SLC49A4: variants seen among roughly 807,000 people sequenced by gnomAD.
SLC49A4 encodes solute carrier family 49 member 4.
A neutral mutation model predicts 50.6 loss-of-function variants in SLC49A4; 36 were observed. That is an observed-to-expected ratio of 0.71 (90% CI 0.55 to 0.94). SLC49A4 has a LOEUF of 0.94. Ranked by LOEUF, SLC49A4 falls within the 40% of genes least tolerant of loss-of-function variation. SLC49A4 has a pLI of 0.00. For synonymous variants in SLC49A4, 248 were observed against 241.2 expected (o/e 1.03, Z -0.26); for missense variants, 503 against 605.7 (o/e 0.83, Z 1.78).
chr3:122,850,151 A>G (rs1936906941), intron 5 of SLC49A4, among the ~76,000 whole-genome samples: 1 of 152,222 alleles, frequency 6.6e-6, no homozygotes, highest in African/African-American at 2.4e-5. Context: ...AATCATCAGA[A>G]TCGTCTATTT....
Position 122,836,137 on chromosome 3 carries a change from G to A in SLC49A4, c.833+2691G>A, listed in dbSNP as rs139339124. On this transcript the variant is annotated intron_variant, in intron 4 of 8. Coordinates refer to ENST00000261038, the MANE Select transcript of SLC49A4 (RefSeq NM_032839.3). ...GTGTGATATTGGCTGTGGGTTTGTC[G>A]TAGATAGCTCTTACTATTTTGAGAT... Among the ~76,000 whole-genome samples the A allele has an allele frequency of 4.7e-3, 711 of 152,216 alleles. 6 individuals are homozygous for A. Among genetic ancestry groups the A allele is most frequent in the African/African-American group, 0.016 (644 of 41,542 alleles).
intron 3 of SLC49A4, among the ~76,000 whole-genome samples, chr3:122,831,233 T>G (rs990322996): frequency 3.9e-5 from 6 of 152,134 alleles, no homozygotes. Flanking sequence ...CCTCAAAATG[T>G]TAAACAAAGA....
chr3:122,806,782 T>C, intron 1 of SLC49A4, 75 bp from the exon 2 acceptor site: 1 of 928,570 alleles, frequency 1.1e-6, no homozygotes, highest in Non-Finnish European at 1.8e-6. Context: ...TATGATTGAC[T>C]AAAAATAATC....
At chr3:122,835,555 T>C (rs2107569143) in intron 4 of SLC49A4, among the ~76,000 whole-genome samples, 1 of 151,864 alleles carries the variant, frequency 6.6e-6, no homozygotes, top group South Asian at 2.1e-4. Flanking sequence ...CAGTAGCATC[T>C]CTTTATGATA....
At chr3:122,801,310 A>G (rs1406365615) in intron 1 of SLC49A4, among the ~76,000 whole-genome samples, 2 of 152,144 alleles carry the variant, frequency 1.3e-5, no homozygotes, top group Admixed American at 6.5e-5. Context: ...GGAATGGGGT[A>G]CTTGAAATTG....
At chr3:122,814,746 T>G (rs1415111301) in intron 2 of SLC49A4, among the ~76,000 whole-genome samples, 3 of 152,160 alleles carry the variant, frequency 2.0e-5, no homozygotes, top group Non-Finnish European at 4.4e-5. Context: ...TAAACTTTCT[T>G]AAAACATTTT....
At chr3:122,816,902 C>T (rs1051041061) in intron 2 of SLC49A4, among the ~76,000 whole-genome samples, 2 of 152,136 alleles carry the variant, frequency 1.3e-5, no homozygotes, top group Admixed American at 6.5e-5. Context: ...AATAACAAGG[C>T]CCCAGCTATC....
chr3:122,817,547 A>T (rs531767749), intron 2 of SLC49A4, among the ~76,000 whole-genome samples: 5 of 151,868 alleles, frequency 3.3e-5, no homozygotes, highest in South Asian at 4.2e-4. Context: ...TGTGTGTGAG[A>T]GAGAGAGAGA....
intron 7 of SLC49A4, among the ~76,000 whole-genome samples, chr3:122,861,136 C>T (rs760578789): frequency 5.3e-5 from 8 of 152,142 alleles, no homozygotes. Flanking sequence ...TTGGACCCAC[C>T]AAGATAATTT....
intron 8 of SLC49A4, among the ~76,000 whole-genome samples, chr3:122,877,939 G>A (rs1450107171): frequency 1.3e-5 from 2 of 152,166 alleles, no homozygotes; most frequent in Non-Finnish European, 2.9e-5. Flanking sequence ...TGAAATATAT[G>A]TCTTTGTTAC....
At chr3:122,832,396 T>C (rs938772796) in intron 3 of SLC49A4, among the ~76,000 whole-genome samples, 2 of 152,198 alleles carry the variant, frequency 1.3e-5, no homozygotes, top group African/African-American at 4.8e-5. Context: ...TAAGATTGTT[T>C]GGGTATTCAT....
At chr3:122,825,722 C>T (rs1011666390) in intron 2 of SLC49A4, among the ~76,000 whole-genome samples, 4 of 151,090 alleles carry the variant, frequency 2.6e-5, no homozygotes, top group African/African-American at 9.8e-5. Context: ...CATGAAATGT[C>T]ACATGTACTG....
intron 1 of SLC49A4, among the ~76,000 whole-genome samples, chr3:122,795,817 ACAT>A (rs1450574889): frequency 6.6e-6 from 1 of 152,234 alleles, no homozygotes; most frequent in Non-Finnish European, 1.5e-5. Context: ...CACATTGTGA[ACAT>A]CAGAGCATCC....
intron 5 of SLC49A4, among the ~76,000 whole-genome samples, chr3:122,848,856 A>G (rs1426064653): frequency 6.6e-6 from 1 of 152,106 alleles, no homozygotes; most frequent in Non-Finnish European, 1.5e-5. Flanking sequence ...GAAATACACA[A>G]TAAGCTGTTG....
At chr3:122,871,176 T>A (rs956220792) in intron 7 of SLC49A4, among the ~76,000 whole-genome samples, 3 of 152,208 alleles carry the variant, frequency 2.0e-5, no homozygotes, top group African/African-American at 7.2e-5. Flanking sequence ...TATTTCCATA[T>A]CTATCTTCTA....
At chr3:122,813,708 A>G (rs1219632926) in intron 2 of SLC49A4, among the ~76,000 whole-genome samples, 2 of 152,234 alleles carry the variant, frequency 1.3e-5, no homozygotes, top group Admixed American at 6.5e-5. Flanking sequence ...CTTTATCTGC[A>G]ACAAAATGAT....
chr3:122,829,192 C>G (rs1936577856), intron 3 of SLC49A4, among the ~76,000 whole-genome samples: 1 of 152,184 alleles, frequency 6.6e-6, no homozygotes. Context: ...AAAATACTAG[C>G]AAACTGATTC....
chr3:122,865,799 A>G (rs1355901210), intron 7 of SLC49A4, among the ~76,000 whole-genome samples: 1 of 152,218 alleles, frequency 6.6e-6, no homozygotes, highest in African/African-American at 2.4e-5. Context: ...AGTATGCACA[A>G]TAATAAAAGT....
At chr3:122,805,866 C>G (rs1191275312) in intron 1 of SLC49A4, among the ~76,000 whole-genome samples, 1 of 152,072 alleles carries the variant, frequency 6.6e-6, no homozygotes, top group Non-Finnish European at 1.5e-5. Context: ...GTTTGGAATA[C>G]AAGGGGAAAA....
Sources: gnomAD v4.1 joint callset for allele counts (sites outside exome capture counted in the v4.1 genomes callset) on GRCh38, gnomAD v4.1.1 for gene constraint, MANE v1.5 for transcripts, NCBI Gene and HGNC (gene_info 2026-07-23, HGNC 2026-07-21) for gene names.